MYO5B: variants seen among roughly 807,000 people sequenced by gnomAD.
MYO5B encodes the protein myosin VB.
MYO5B carries 143 observed loss-of-function variants against 229.3 expected under a neutral mutation model. That is an observed-to-expected ratio of 0.62 (90% CI 0.54 to 0.72). The LOEUF (loss-of-function observed/expected upper bound fraction) is 0.72. Ranked by LOEUF, MYO5B falls within the 30% of genes least tolerant of loss-of-function variation. The pLI is 0.00. For synonymous variants in MYO5B, 918 were observed against 885.2 expected, an observed-to-expected ratio of 1.04 and a Z score of -0.66; for missense variants, 2,321 against 2,331.0, an observed-to-expected ratio of 1.00 and a Z score of 0.09.
At chr18:49,922,230 C>A (rs959469540) in intron 17 of MYO5B, among the ~76,000 whole-genome samples, 1 of 152,236 alleles carries the variant, frequency 6.6e-6, no homozygotes, top group Non-Finnish European at 1.5e-5. Context: ...ATCCACTAAA[C>A]CTCACTTGCT....
intron 10 of MYO5B, among the ~76,000 whole-genome samples, chr18:49,965,896 C>T (rs1598917460): frequency 6.6e-6 from 1 of 152,190 alleles, no homozygotes; most frequent in Non-Finnish European, 1.5e-5. Flanking sequence ...GAGGTAATAG[C>T]GATGGACACA....
intron 4 of MYO5B, among the ~76,000 whole-genome samples, chr18:50,011,959 A>G (rs778412038): frequency 1.3e-5 from 2 of 152,012 alleles, no homozygotes; most frequent in African/African-American, 2.4e-5. Context: ...GGCTGTGTAA[A>G]GAGTGGGACA....
Position 50,001,184 on chromosome 18 carries a change from G to C in MYO5B, c.612+71C>G. On this transcript the variant is annotated intron_variant, in intron 5 of 39. Transcript: ENST00000285039. The stretch of plus-strand genomic sequence containing the variant: ...GGCGTGAAGGCTGCCACCCAGGCTT[G>C]ACGCCCAGCAGTCTTGCTGCCAGTG... The C allele has an allele frequency of 1.9e-6, 3 of 1,598,712 alleles. No individual in the cohort carries two copies. In the East Asian group the frequency reaches 6.7e-5, roughly 36 times the overall value.
intron 28 of MYO5B, 105 bp downstream of exon 28, chr18:49,864,036 T>A: frequency 6.5e-7 from 1 of 1,537,234 alleles, no homozygotes. Context: ...GAGACTCTGC[T>A]CTTTCAGGTT....
chr18:50,101,263 A>T (rs60748915), intron 1 of MYO5B, among the ~76,000 whole-genome samples: 37,757 of 152,066 alleles, frequency 0.25, 5,558 homozygotes, highest in African/African-American at 0.41. Context: ...TTAAGTGCCA[A>T]TTTTGTCAAC....
chr18:50,029,783 C>G (rs570219900), intron 4 of MYO5B, among the ~76,000 whole-genome samples: 10 of 152,224 alleles, frequency 6.6e-5, no homozygotes, highest in Non-Finnish European at 1.3e-4. Context: ...GTCAGAGAGT[C>G]TACCCCTGGA....
intron 1 of MYO5B, among the ~76,000 whole-genome samples, chr18:50,169,988 C>T (rs1350303334): frequency 7.9e-6 from 1 of 127,134 alleles, no homozygotes; most frequent in Non-Finnish European, 1.7e-5. Context: ...CTTTGATTGT[C>T]GATGTCATGG....
chr18:49,882,624 C>T (rs1297692003), intron 22 of MYO5B, among the ~76,000 whole-genome samples: 2 of 16,458 alleles, frequency 1.2e-4, no homozygotes, highest in Non-Finnish European at 2.4e-4. Flanking sequence ...AAGAAATCAT[C>T]TCAAAAAAAA....
At chr18:50,174,320 A>T (rs2032963405) in intron 1 of MYO5B, among the ~76,000 whole-genome samples, 1 of 152,318 alleles carries the variant, frequency 6.6e-6, no homozygotes, top group East Asian at 1.9e-4. Flanking sequence ...CACAGCGAGT[A>T]TCACAGGGGA....
At position 49,894,988 on chromosome 18, in the gene MYO5B, T is replaced by G. The variant is rs745645137; in HGVS notation, c.2998A>C (p.Lys1000Gln). 1.2e-6 allele frequency: 2 copies of G among 1,613,672 alleles called. No homozygotes were observed. The highest frequency in any genetic ancestry group is 1.7e-6 in the Non-Finnish European group (2 of 1,180,034). The change falls in exon 22 of 40, where the codon AAG becomes CAG. Residue 1000 changes from lysine (K) to glutamine (Q), a missense_variant. This residue lies in a region of MYO5B where 2,113 missense variants were observed against 2,044.7 expected (regional missense o/e 1.03). Transcript: ENST00000285039. Reference sequence around the variant, plus strand: ...CTGCTGTGGGCGTCCTCCAAGATCTTGCGCTCCGAGTGGGCCCTCTGCAGC... The same window carrying G: ...CTGCTGTGGGCGTCCTCCAAGATCTGGCGCTCCGAGTGGGCCCTCTGCAGC... Reference protein sequence around the residue: ...TELQRAHSERKILEDAHSREK... With the variant: ...TELQRAHSERQILEDAHSREK...
At chr18:49,897,510 T>C (rs893636807) in intron 21 of MYO5B, among the ~76,000 whole-genome samples, 1 of 152,210 alleles carries the variant, frequency 6.6e-6, no homozygotes, top group Non-Finnish European at 1.5e-5. Context: ...ATATAAAATG[T>C]TTTGATAGAT....
At chr18:50,098,108 C>A (rs1460348330) in intron 1 of MYO5B, among the ~76,000 whole-genome samples, 1 of 152,104 alleles carries the variant, frequency 6.6e-6, no homozygotes, top group East Asian at 1.9e-4. Context: ...GAATTCCCTT[C>A]GAAATAAAAT....
At chr18:50,099,380 T>C (rs1466238138) in intron 1 of MYO5B, among the ~76,000 whole-genome samples, 1 of 152,140 alleles carries the variant, frequency 6.6e-6, no homozygotes, top group Admixed American at 6.5e-5. Flanking sequence ...AGTGGATAAG[T>C]GACACAGGAA....
At chr18:49,854,103 G>C (rs781326838) in intron 30 of MYO5B, among the ~76,000 whole-genome samples, 6 of 152,186 alleles carry the variant, frequency 3.9e-5, no homozygotes, top group Non-Finnish European at 4.4e-5. Flanking sequence ...TATTTTCCCT[G>C]TGGCAGATTC....
At chr18:50,153,890 C>G (rs1194659585) in intron 1 of MYO5B, among the ~76,000 whole-genome samples, 1 of 152,160 alleles carries the variant, frequency 6.6e-6, no homozygotes, top group Non-Finnish European at 1.5e-5. Flanking sequence ...CTGCAGTGTC[C>G]TTGCTCCCCA....
intron 1 of MYO5B, among the ~76,000 whole-genome samples, chr18:50,075,233 A>T (rs2031052295): frequency 6.6e-6 from 1 of 152,100 alleles, no homozygotes; most frequent in African/African-American, 2.4e-5. Flanking sequence ...CAGGGGAGAG[A>T]GGGGTCTCTT....
At chr18:50,058,989 C>CTA (rs1568090211) in intron 1 of MYO5B, among the ~76,000 whole-genome samples, 2 of 152,276 alleles carry the variant, frequency 1.3e-5, no homozygotes, top group East Asian at 3.9e-4. Context: ...TCCCTGTTCC[C>CTA]TATAGAGTTA....
At chr18:50,001,699 C>T (rs1031437941) in intron 4 of MYO5B, among the ~76,000 whole-genome samples, 7 of 152,142 alleles carry the variant, frequency 4.6e-5, no homozygotes, top group African/African-American at 1.7e-4. Context: ...GGGTGCAGTG[C>T]CCCTAGATCA....
rs1389172103 is a variant in MYO5B, at chr18:49,823,726, T to C, written c.*2745A>G. On this transcript the variant is annotated 3_prime_UTR_variant, in exon 40 of 40. Transcript: ENST00000285039. Reference sequence around the variant, plus strand: ...GGTGAGCCTACAGGTACTGGAACTCTAACTGCAACTATGAGGGCACAGGGA... The same window carrying C: ...GGTGAGCCTACAGGTACTGGAACTCCAACTGCAACTATGAGGGCACAGGGA... 1 of 152,230 alleles carries C rather than the reference T, an allele frequency of 6.6e-6. No individual in the cohort carries two copies. Among genetic ancestry groups the C allele is most frequent in the Non-Finnish European group, 1.5e-5 (1 of 68,044 alleles). The allele number at this position is 152,230 out of a possible 1,614,324, so 9.4% of individuals were successfully genotyped here.
Sources: allele counts gnomAD v4.1 joint callset (sites outside exome capture counted in the v4.1 genomes callset), GRCh38; gene constraint gnomAD v4.1.1; regional missense constraint gnomAD v4.1.1; transcripts MANE v1.5; gene names NCBI Gene and HGNC (gene_info 2026-07-23, HGNC 2026-07-21).